The following VIT variants were observed in gnomAD, a reference collection of about 807,000 sequenced individuals.
VIT encodes vitrin.
In VIT, 99 loss-of-function variants were observed where a neutral mutation model predicts 78.0. That is an observed-to-expected ratio of 1.27 (90% CI 1.08 to 1.50). The LOEUF (loss-of-function observed/expected upper bound fraction) is 1.50, where lower values mean the gene tolerates loss of function less well. Ranked by LOEUF, VIT falls within the 40% of genes most tolerant of loss-of-function variation. VIT has a pLI of 0.00. For synonymous variants in VIT, 374 were observed against 334.3 expected (o/e 1.12, Z -1.29); for missense variants, 1,126 against 875.3 (o/e 1.29, Z -3.61).
chr2:36,746,094 A>G (rs913057173), intron 4 of VIT, among the ~76,000 whole-genome samples: 17 of 152,096 alleles, frequency 1.1e-4, no homozygotes, highest in African/African-American at 4.1e-4. Context: ...TTCTGTTTAT[A>G]TGGTAAATCA....
In VIT at chr2:36,719,955, A is replaced by C. The variant is rs183239849; in HGVS notation, c.52+3533A>C. ...AGGCCCTGACTCACACACACACACA[A>C]AAAGATGCAGAAAATTAAAGAAGAC... is the stretch of plus-strand genomic sequence containing the variant. On this transcript the variant is annotated intron_variant, in intron 2 of 15. Coordinates refer to ENST00000379242, the MANE Select transcript of VIT (RefSeq NM_053276.4). Among the ~76,000 whole-genome samples the C allele has an allele frequency of 5.5e-3, 835 of 152,232 alleles. 10 individuals carry two copies. Among genetic ancestry groups the C allele is most frequent in the Non-Finnish European group, 4.4e-3 (301 of 68,024 alleles).
intron 1 of VIT, among the ~76,000 whole-genome samples, chr2:36,710,103 G>A (rs1298801424): frequency 6.6e-6 from 1 of 152,218 alleles, no homozygotes; most frequent in Non-Finnish European, 1.5e-5. Context: ...AAGCTCTGCA[G>A]ACTCTATCTG....
At chr2:36,728,433 G>A (rs559136272) in intron 2 of VIT, among the ~76,000 whole-genome samples, 17 of 152,126 alleles carry the variant, frequency 1.1e-4, no homozygotes, top group East Asian at 9.6e-4. Flanking sequence ...TAAGCTAAGC[G>A]TTATTACAAA....
At position 36,736,617 on chromosome 2, in the gene VIT, C is replaced by T. The variant is rs78254691; in HGVS notation, c.119-6483C>T. Among the ~76,000 whole-genome samples, 1,126 of 152,256 alleles carry T rather than the reference C, an allele frequency of 7.4e-3. 16 individuals carry two copies. Among genetic ancestry groups the T allele is most frequent in the African/African-American group, 0.026 (1,067 of 41,530 alleles). ...GGGAGCCATTGATGATTCCATGCAACGTGTTACTGGCTGCCCATCCTGCAA... is the reference window on the plus strand; with the variant it reads ...GGGAGCCATTGATGATTCCATGCAATGTGTTACTGGCTGCCCATCCTGCAA... On this transcript the variant is annotated intron_variant, in intron 3 of 15. Coordinates refer to ENST00000379242, the MANE Select transcript of VIT (RefSeq NM_053276.4).
intron 2 of VIT, among the ~76,000 whole-genome samples, chr2:36,717,182 ATT>A (rs577779821): frequency 0.15 from 17,105 of 117,820 alleles, 1,271 homozygotes; most frequent in East Asian, 0.19. Context: ...GCCAGAGATG[ATT>A]TTTTTTTTTT....
chr2:36,744,173 G>A (rs1439504962), intron 4 of VIT, among the ~76,000 whole-genome samples: 2 of 152,218 alleles, frequency 1.3e-5, no homozygotes, highest in African/African-American at 4.8e-5. Context: ...ATTCCATGGT[G>A]TATATGTACC....
chr2:36,730,717 T>C (rs1031623119), intron 3 of VIT, among the ~76,000 whole-genome samples: 19 of 152,142 alleles, frequency 1.2e-4, no homozygotes, highest in Non-Finnish European at 1.5e-4. Context: ...GAGGATAAGC[T>C]GGACATTGAA....
chr2:36,788,175 C>T (rs767212717), intron 12 of VIT: 17 of 179,700 alleles, frequency 9.5e-5, no homozygotes, highest in East Asian at 1.8e-4. Context: ...GAAGGGGTGA[C>T]GGAAGTGGAA....
intron 15 of VIT, among the ~76,000 whole-genome samples, chr2:36,812,592 C>A (rs1443977603): frequency 1.3e-5 from 2 of 152,146 alleles, no homozygotes; most frequent in Admixed American, 1.3e-4. Context: ...CACCTGCAGT[C>A]TTATTTTACT....
intron 8 of VIT, 44 bp downstream of exon 8, chr2:36,773,891 C>A: frequency 6.4e-7 from 1 of 1,560,410 alleles, no homozygotes; most frequent in South Asian, 1.2e-5. Flanking sequence ...GAAAGTTAAG[C>A]TTGTTTACAT....
chr2:36,732,651 C>T (rs550563561), intron 3 of VIT, among the ~76,000 whole-genome samples: 2 of 152,168 alleles, frequency 1.3e-5, no homozygotes, highest in Middle Eastern at 3.2e-3. Flanking sequence ...AAGTACCAGG[C>T]ACTGTTAGAC....
intron 9 of VIT, among the ~76,000 whole-genome samples, chr2:36,780,684 A>G (rs572880534): frequency 6.6e-6 from 1 of 152,358 alleles, no homozygotes; most frequent in East Asian, 1.9e-4. Flanking sequence ...TCTTCATCAC[A>G]TAAAGAAAAA....
intron 1 of VIT, among the ~76,000 whole-genome samples, chr2:36,707,008 A>G (rs945509889): frequency 6.6e-6 from 1 of 151,986 alleles, no homozygotes; most frequent in African/African-American, 2.4e-5. Context: ...TCACCTCCTC[A>G]AGGGGCTCTT....
rs202227406 is a variant in VIT, at chr2:36,787,217, T to C, written c.999T>C (p.Asp333=). The C allele has an allele frequency of 1.4e-5, 23 of 1,614,218 alleles. No individual in the cohort carries two copies. The Admixed American group carries it at 2.3e-4, about 16-fold the overall frequency. The change falls in exon 12 of 16, where the codon GAT becomes GAC. Residue 333 remains aspartate, a synonymous_variant. Coordinates refer to ENST00000379242, the MANE Select transcript of VIT (RefSeq NM_053276.4). ...RFRIQKQLLA[D]VAQALDIGPA... is the part of the protein sequence containing the mutation. Reference sequence around the variant, plus strand: ...GAATCCAGAAGCAGCTCCTGGCTGATGTTGCCCAAGCTCTTGACATTGGCC... The same window carrying C: ...GAATCCAGAAGCAGCTCCTGGCTGACGTTGCCCAAGCTCTTGACATTGGCC...
At chr2:36,742,765 C>G (rs1053867615) in intron 3 of VIT, among the ~76,000 whole-genome samples, 1 of 152,208 alleles carries the variant, frequency 6.6e-6, no homozygotes, top group African/African-American at 2.4e-5. Flanking sequence ...GACCAGTACT[C>G]TCCTGCCATT....
chr2:36,787,609 G>C (rs1024858255), intron 12 of VIT, among the ~76,000 whole-genome samples: 1 of 152,208 alleles, frequency 6.6e-6, no homozygotes, highest in Non-Finnish European at 1.5e-5. Context: ...CTAGGCCTTC[G>C]CCTCTCTGAT....
Position 36,775,070 on chromosome 2 carries a change from A to T in VIT, c.802+3A>T, listed in dbSNP as rs771460959. Reference sequence around the variant, plus strand: ...TGTTGGAGCGGATGTCAGCCTGGGTAAGCTGCCCACTGCTTACCATCTCTG... The same window carrying T: ...TGTTGGAGCGGATGTCAGCCTGGGTTAGCTGCCCACTGCTTACCATCTCTG... On this transcript the variant is annotated splice_donor_region_variant and intron_variant, in intron 9 of 15. Transcript: ENST00000379242. 6 of 1,613,728 alleles carry T rather than the reference A, an allele frequency of 3.7e-6. No homozygotes were observed. In the South Asian group the frequency reaches 6.6e-5, roughly 18 times the overall value.
intron 12 of VIT, among the ~76,000 whole-genome samples, chr2:36,788,951 C>T (rs1374494678): frequency 6.6e-6 from 1 of 152,112 alleles, no homozygotes; most frequent in Non-Finnish European, 1.5e-5. Flanking sequence ...ACGCCTTCCC[C>T]CAAAACATTT....
intron 3 of VIT, among the ~76,000 whole-genome samples, chr2:36,736,078 C>T (rs1484177259): frequency 1.3e-5 from 2 of 152,080 alleles, no homozygotes. Flanking sequence ...ATTTTCAAGG[C>T]TCTCATTTTC....
Sources: gnomAD v4.1 joint callset for allele counts (sites outside exome capture counted in the v4.1 genomes callset) on GRCh38, gnomAD v4.1.1 for gene constraint, MANE v1.5 for transcripts, NCBI Gene and HGNC (gene_info 2026-07-23, HGNC 2026-07-21) for gene names.